LGALS3BP: variants seen among roughly 807,000 people sequenced by gnomAD.
LGALS3BP encodes galectin 3 binding protein.
In LGALS3BP, 25 loss-of-function variants were observed where a neutral mutation model predicts 22.9. That is an observed-to-expected ratio of 1.09 (90% CI 0.80 to 1.53). The LOEUF (loss-of-function observed/expected upper bound fraction) is 1.53. Ranked by LOEUF, LGALS3BP falls within the 40% of genes most tolerant of loss-of-function variation. LGALS3BP has a pLI of 0.00. For synonymous variants in LGALS3BP, 335 were observed against 331.1 expected (o/e 1.01, Z -0.13); for missense variants, 718 against 752.0 (o/e 0.95, Z 0.53).
In LGALS3BP at chr17:78,973,615, A is replaced by G. The variant is rs2070694686; in HGVS notation, c.377-393T>C. On this transcript the variant is annotated intron_variant, in intron 4 of 5. Coordinates refer to ENST00000262776, the MANE Select transcript of LGALS3BP (RefSeq NM_005567.4). This position sits in a 1 kb window ranked among gnomAD's most constrained non-coding sequence, Gnocchi z 5.8. Reference sequence around the variant, plus strand: ...CCACTGCCTGCTTAGATGGCCTGAAAAGTTAGGGTCCTGTGGCAACCCCAT... The same window carrying G: ...CCACTGCCTGCTTAGATGGCCTGAAGAGTTAGGGTCCTGTGGCAACCCCAT... Among the ~76,000 whole-genome samples the G allele has an allele frequency of 6.6e-6, 1 of 152,038 alleles. No homozygotes were observed. Among genetic ancestry groups the G allele is most frequent in the African/African-American group, 2.4e-5 (1 of 41,384 alleles).
chr17:78,974,337 T>C (rs1049755539), intron 4 of LGALS3BP, among the ~76,000 whole-genome samples: 4 of 152,254 alleles, frequency 2.6e-5, no homozygotes, highest in Non-Finnish European at 4.4e-5. Flanking sequence ...CTTGAGCCTG[T>C]CGCGTGCTGT....
rs764782075 is a variant in LGALS3BP at position 78,972,706 on chromosome 17, T to G, written c.630-2A>C. On this transcript the variant is annotated splice_acceptor_variant, in intron 5 of 5. Coordinates refer to ENST00000262776, the MANE Select transcript of LGALS3BP (RefSeq NM_005567.4). LOFTEE classifies it high-confidence loss of function. This position sits in a 1 kb window ranked among gnomAD's most constrained non-coding sequence, Gnocchi z 5.1. ...TCAATCCTTCGGGAGTAGAAGTACC[T>G]GGGGAGAAAGAAGGAGAGCAGATGC... 1.3e-6 allele frequency: 2 copies of G among 1,515,808 alleles called. No homozygotes were observed. Among genetic ancestry groups the G allele is most frequent in the Non-Finnish European group, 1.8e-6 (2 of 1,132,600 alleles). 93.9% of individuals were successfully genotyped at this position (1,515,808 alleles called of 1,614,324 possible). A position where few individuals can be genotyped will look rare whatever the true frequency, so the allele number is the denominator to read the frequency against.
rs956447043 is a variant in LGALS3BP at position 78,973,899 on chromosome 17, C to T, written c.377-677G>A. ...TGAGCCACCGCAGGACCCCCAGCTC[C>T]CTCCCACCTGCACGCCTTACCACAG... On this transcript the variant is annotated intron_variant, in intron 4 of 5. Transcript: ENST00000262776. The surrounding 1 kb of genome is among the most constrained non-coding windows in gnomAD (Gnocchi z 5.8). Among the ~76,000 whole-genome samples, 4 of 152,268 alleles carry T rather than the reference C, an allele frequency of 2.6e-5. No individual in the cohort carries two copies. The highest frequency in any genetic ancestry group is 6.5e-5 in the Admixed American group (1 of 15,284).
rs1465873369 is a variant in LGALS3BP, at chr17:78,974,708, G to A, written c.356C>T (p.Ala119Val). 1.9e-6 allele frequency: 3 copies of A among 1,613,694 alleles called. No individual in the cohort carries two copies. The highest frequency in any genetic ancestry group is 2.2e-5 in the South Asian group (2 of 91,084). ...LKSNCRHERDAGVVCTNETRS... is the reference protein window; with the variant it reads ...LKSNCRHERDVGVVCTNETRS... ...CTCACCATTGGTGCAGACCACACCA[G>A]CGTCTCTCTCGTGCCTGCAGTTGCT... Residue 119 changes from alanine to valine, a missense_variant, in exon 4 of 6, where the codon GCT (alanine) becomes GTT (valine). By Grantham distance (64) the Ala-to-Val change is moderately conservative. Transcript: ENST00000262776.
chr17:78,972,224 C>G lies in LGALS3BP; in HGVS notation c.1110G>C (p.Glu370Asp), dbSNP rs2070678629. The G allele has an allele frequency of 1.2e-6, 2 of 1,613,828 alleles. No homozygotes were observed. Among genetic ancestry groups the G allele is most frequent in the South Asian group, 2.2e-5 (2 of 91,084 alleles). The change falls in exon 6 of 6, where the codon GAG becomes GAC. Residue 370 changes from glutamate to aspartate, a missense_variant. Transcript: ENST00000262776. The surrounding 1 kb of genome is among the most constrained non-coding windows in gnomAD (Gnocchi z 5.1). ...GCAGAGTCTTCTTCTGGAACAGGGC[C>G]TCGTGGCTCCAGTACAGGGACAGGT... ...QFNLSLYWSHEALFQKKTLQA... is the reference protein window; with the variant it reads ...QFNLSLYWSHDALFQKKTLQA...
Position 78,972,649 on chromosome 17 carries a change from T to C in LGALS3BP, c.685A>G (p.Lys229Glu). Residue 229 changes from lysine to glutamate, a missense_variant, in exon 6 of 6, where the codon AAG (lysine) becomes GAG (glutamate). Physicochemically the swap from Lys to Glu is moderately conservative, Grantham distance 56. Transcript: ENST00000262776. This position sits in a 1 kb window ranked among gnomAD's most constrained non-coding sequence, Gnocchi z 5.1. ...ITLSSVKCFH[K>E]LASAYGARQL... is the part of the protein sequence containing the mutation. ...CTGGCCCCATAGGCAGAGGCCAGCTTGTGGAAGCACTTGACTGACGACAGG... is the reference window on the plus strand; with the variant it reads ...CTGGCCCCATAGGCAGAGGCCAGCTCGTGGAAGCACTTGACTGACGACAGG... 2.0e-6 allele frequency: 3 copies of C among 1,532,054 alleles called. No individual in the cohort carries two copies. Among genetic ancestry groups the C allele is most frequent in the Non-Finnish European group, 1.8e-6 (2 of 1,139,282 alleles). The allele number at this position is 1,532,054 out of a possible 1,614,324, so 94.9% of individuals were successfully genotyped here.
At chr17:78,974,555 C>A (rs78186895) in intron 4 of LGALS3BP, 133 bp downstream of exon 4, 3 of 1,031,438 alleles carry the variant, frequency 2.9e-6, no homozygotes, top group Non-Finnish European at 4.2e-6. Flanking sequence ...CCTCTCCATG[C>A]GGAGTGGGCA....
At chr17:78,974,639 G>A (rs757220825) in intron 4 of LGALS3BP, 49 bp downstream of exon 4, 2 of 1,587,818 alleles carry the variant, frequency 1.3e-6, no homozygotes, top group Middle Eastern at 2.1e-4. Context: ...GGGGCCACGG[G>A]ACCCCAGGGC....
chr17:78,976,051 C>T lies in LGALS3BP; in HGVS notation c.158G>A (p.Trp53Ter). 2 of 1,612,584 alleles carry T rather than the reference C, an allele frequency of 1.2e-6. No homozygotes were observed. The highest frequency in any genetic ancestry group is 1.1e-5 in the South Asian group (1 of 90,904). The change falls in exon 3 of 6, where the codon TGG becomes TAG. Residue 53 changes from tryptophan (W) to a stop codon, truncating the protein, a stop_gained. Transcript: ENST00000262776. LOFTEE classifies it high-confidence loss of function. The surrounding 1 kb of genome is among the most constrained non-coding windows in gnomAD (Gnocchi z 4.6). ...GACGACGCTGGCATCAGTCAGGTCC[C>T]ACAGGTTGTCACACACAGTGCCCCA... is the stretch of plus-strand genomic sequence containing the variant. ...GQWGTVCDNL[W>*]DLTDASVVCR...
Position 78,973,428 on chromosome 17 carries a change from A to G in LGALS3BP, c.377-206T>C. ...GCCCCTTCCAGCCCTGGGGAACAAGAGCAGCTAGGACCTGGCCAAGCCTGT... is the reference window on the plus strand; with the variant it reads ...GCCCCTTCCAGCCCTGGGGAACAAGGGCAGCTAGGACCTGGCCAAGCCTGT... On this transcript the variant is annotated intron_variant, in intron 4 of 5. Coordinates refer to ENST00000262776, the MANE Select transcript of LGALS3BP (RefSeq NM_005567.4). The surrounding 1 kb of genome is among the most constrained non-coding windows in gnomAD (Gnocchi z 5.8). 4.9e-6 allele frequency: 3 copies of G among 614,006 alleles called. No homozygotes were observed. The highest frequency in any genetic ancestry group is 8.3e-6 in the Non-Finnish European group (3 of 363,554). 38.0% of individuals were successfully genotyped at this position (614,006 alleles called of 1,614,324 possible).
chr17:78,972,147 C>T lies in LGALS3BP; in HGVS notation c.1187G>A (p.Gly396Asp). The T allele has an allele frequency of 6.2e-7, 1 of 1,614,002 alleles. No homozygotes were observed. The highest frequency in any genetic ancestry group is 8.5e-7 in the Non-Finnish European group (1 of 1,180,002). Residue 396 changes from glycine (G) to aspartate (D), a missense_variant, in exon 6 of 6, where the codon GGC becomes GAC. Physicochemically the swap from Gly to Asp is moderately conservative, Grantham distance 94. Transcript: ENST00000262776. This position sits in a 1 kb window ranked among gnomAD's most constrained non-coding sequence, Gnocchi z 5.1. The stretch of plus-strand genomic sequence containing the variant: ...GTAGGTATCCTCGGTGAGGTTCAGG[C>T]CTTTGTACCGGGCCAGCAACTGGAA... The part of the protein sequence containing the change: ...VPFQLLARYK[G>D]LNLTEDTYKP...
rs1599201300 is a variant in LGALS3BP, at chr17:78,973,086, G to A, written c.513C>T (p.Gly171=). The change falls in exon 5 of 6, where the codon GGC becomes GGT. Residue 171 remains glycine (G), a synonymous_variant. Transcript: ENST00000262776. This position sits in a 1 kb window ranked among gnomAD's most constrained non-coding sequence, Gnocchi z 5.8. ...GGTTGGCAGTCAGGATGACCGTGTG[G>A]CCACAGAAGCCCAGGGCGTCCTCGC... ...VQGEDALGFC[G]HTVILTANLE... is the part of the protein sequence containing the mutation. 6.2e-7 allele frequency: 1 copy of A among 1,613,784 alleles called. No individual in the cohort carries two copies. The highest frequency in any genetic ancestry group is 2.2e-5 in the East Asian group (1 of 44,872).
At position 78,972,092 on chromosome 17, in the gene LGALS3BP, C is replaced by T. The variant is rs369860099; in HGVS notation, c.1242G>A (p.Trp414Ter). 3 of 1,613,322 alleles carry T rather than the reference C, an allele frequency of 1.9e-6. No individual in the cohort carries two copies. The highest frequency in any genetic ancestry group is 2.5e-6 in the Non-Finnish European group (3 of 1,179,500). ...AGGAACTGTCTGTCACAAAGGCACT[C>T]CAGGTGGGCGAGGTGTAAATCCGGG... ...YKPRIYTSPT[W>*]SAFVTDSSWS... is the part of the protein sequence containing the mutation. The change falls in exon 6 of 6, where the codon TGG becomes TGA. Residue 414 changes from tryptophan to a stop codon, truncating the protein, a stop_gained. Transcript: ENST00000262776. LOFTEE classifies it low-confidence loss of function (END_TRUNC). The surrounding 1 kb of genome is among the most constrained non-coding windows in gnomAD (Gnocchi z 5.1).
intron 3 of LGALS3BP, 107 bp downstream of exon 3, chr17:78,975,858 T>G (rs1243054699): frequency 6.7e-6 from 4 of 596,060 alleles, no homozygotes; most frequent in Non-Finnish European, 1.1e-5. Context: ...GGAATCCAAT[T>G]TGCATGTCTT....
chr17:78,972,118 G>T lies in LGALS3BP; in HGVS notation c.1216C>A (p.Pro406Thr), dbSNP rs1308543143. ...GLNLTEDTYK[P>T]RIYTSPTWSA... ...CAGGTGGGCGAGGTGTAAATCCGGG[G>T]CTTGTAGGTATCCTCGGTGAGGTTC... Residue 406 changes from proline (P) to threonine (T), a missense_variant, in exon 6 of 6, where the codon CCC (proline) becomes ACC (threonine). Physicochemically the swap from Pro to Thr is conservative, Grantham distance 38. Transcript: ENST00000262776. The surrounding 1 kb of genome is among the most constrained non-coding windows in gnomAD (Gnocchi z 5.1). The T allele has an allele frequency of 2.5e-6, 4 of 1,613,316 alleles. No homozygotes were observed. Among genetic ancestry groups the T allele is most frequent in the Non-Finnish European group, 3.4e-6 (4 of 1,179,442 alleles).
At position 78,977,247 on chromosome 17, in the gene LGALS3BP, G is replaced by A. The variant is rs964605261; in HGVS notation, c.-23-33C>T. ...AGACAGAAGCGGAGGGGTGAGGCACGGGAGCCAGATGGCCCGAGGCCCCAG... is the reference window on the plus strand; with the variant it reads ...AGACAGAAGCGGAGGGGTGAGGCACAGGAGCCAGATGGCCCGAGGCCCCAG... On this transcript the variant is annotated intron_variant, in intron 1 of 5. Transcript: ENST00000262776. 2.9e-5 allele frequency: 46 copies of A among 1,579,972 alleles called. 1 individual carries two copies. The South Asian group carries it at 3.0e-4, about 10-fold the overall frequency.
In LGALS3BP at chr17:78,973,878, C is replaced by A. The variant is rs1447831702; in HGVS notation, c.377-656G>T. Among the ~76,000 whole-genome samples the A allele has an allele frequency of 3.9e-5, 6 of 152,282 alleles. No homozygotes were observed. Among genetic ancestry groups the A allele is most frequent in the Non-Finnish European group, 8.8e-5 (6 of 68,042 alleles). On this transcript the variant is annotated intron_variant, in intron 4 of 5. Transcript: ENST00000262776. This position sits in a 1 kb window ranked among gnomAD's most constrained non-coding sequence, Gnocchi z 5.8. ...TGCCCTGGGCCTCCTAAAACCTGAG[C>A]CACCGCAGGACCCCCAGCTCCCTCC...
In LGALS3BP at chr17:78,976,053, C is replaced by T; in HGVS notation, c.156G>A (p.Leu52=). The part of the protein sequence containing the change: ...RGQWGTVCDN[L]WDLTDASVVC... ...CGACGCTGGCATCAGTCAGGTCCCA[C>T]AGGTTGTCACACACAGTGCCCCACT... The change falls in exon 3 of 6, where the codon CTG becomes CTA. Residue 52 remains leucine (L), a synonymous_variant. Transcript: ENST00000262776. This position sits in a 1 kb window ranked among gnomAD's most constrained non-coding sequence, Gnocchi z 4.6. 2 of 1,612,592 alleles carry T rather than the reference C, an allele frequency of 1.2e-6. No individual in the cohort carries two copies. Among genetic ancestry groups the T allele is most frequent in the Non-Finnish European group, 1.7e-6 (2 of 1,179,784 alleles).
At chr17:78,977,054 A>C (rs1377829462) in intron 2 of LGALS3BP, 86 bp downstream of exon 2, 2 of 1,442,420 alleles carry the variant, frequency 1.4e-6, no homozygotes, top group Non-Finnish European at 1.9e-6. Context: ...CCCCAGGCAG[A>C]ATATCTCCTT....
Sources: gnomAD v4.1 joint callset for allele counts (sites outside exome capture counted in the v4.1 genomes callset) on GRCh38, gnomAD v4.1.1 for gene constraint, Gnocchi (gnomAD v3.1) non-coding constraint, MANE v1.5 for transcripts, NCBI Gene and HGNC (gene_info 2026-07-23, HGNC 2026-07-21) for gene names.